TCERG1L: variants seen among roughly 807,000 people sequenced by gnomAD.
The protein encoded by TCERG1L is transcription elongation regulator 1-like protein.
TCERG1L carries 37 observed loss-of-function variants against 56.3 expected under a neutral mutation model. That is an observed-to-expected ratio of 0.66 (90% CI 0.51 to 0.87). The LOEUF (loss-of-function observed/expected upper bound fraction) is 0.87, where lower values mean the gene tolerates loss of function less well. Among genes scored for constraint, TCERG1L ranks in the 40% least tolerant of loss-of-function variants. The pLI is 0.00. For missense variants in TCERG1L, 799 were observed against 774.2 expected, an observed-to-expected ratio of 1.03 and a Z score of -0.38; for synonymous variants, 324 against 326.3, an observed-to-expected ratio of 0.99 and a Z score of 0.08.
At chr10:131,144,463 C>T (rs11017750) in intron 7 of TCERG1L, among the ~76,000 whole-genome samples, 19,683 of 152,108 alleles carry the variant, frequency 0.13, 1,736 homozygotes, top group Non-Finnish European at 0.2. Flanking sequence ...CTAATTGTGT[C>T]GCTGCGAAGC....
At chr10:131,115,426 A>G (rs1178411013) in intron 9 of TCERG1L, among the ~76,000 whole-genome samples, 1 of 75,836 alleles carries the variant, frequency 1.3e-5, no homozygotes, top group Non-Finnish European at 3.2e-5. Context: ...ACAAAATTTG[A>G]GCCTAGTAAA....
intron 9 of TCERG1L, among the ~76,000 whole-genome samples, chr10:131,116,234 G>C (rs967290519): frequency 1.3e-5 from 2 of 152,204 alleles, no homozygotes; most frequent in African/African-American, 4.8e-5. Context: ...CAGCTACACT[G>C]AAGATATCTT....
chr10:131,159,306 G>A (rs945488800), intron 6 of TCERG1L, among the ~76,000 whole-genome samples: 2 of 152,176 alleles, frequency 1.3e-5, no homozygotes, highest in Non-Finnish European at 2.9e-5. Context: ...CAAGGAGGTC[G>A]TCTATTTGGG....
chr10:131,271,157 AACCT>A (rs879545914), intron 3 of TCERG1L, among the ~76,000 whole-genome samples: 2,283 of 152,200 alleles, frequency 0.015, 27 homozygotes, highest in Non-Finnish European at 0.024. Flanking sequence ...CTGCCTCCAG[AACCT>A]GCCTCCAGAA....
chr10:131,300,868 G>C (rs1846754804), intron 3 of TCERG1L, among the ~76,000 whole-genome samples: 1 of 152,046 alleles, frequency 6.6e-6, no homozygotes, highest in Non-Finnish European at 1.5e-5. Flanking sequence ...CTTATGTCAA[G>C]CTGTTAGTGA....
At chr10:131,247,925 C>T (rs963234028) in intron 4 of TCERG1L, among the ~76,000 whole-genome samples, 6 of 151,756 alleles carry the variant, frequency 4.0e-5, no homozygotes, top group African/African-American at 2.4e-5. Context: ...CGCATACACA[C>T]GACTCACACA....
In TCERG1L at chr10:131,134,416, T is replaced by C. The variant is rs1845652128; in HGVS notation, c.1222A>G (p.Asn408Asp). 3.8e-6 allele frequency: 6 copies of C among 1,596,420 alleles called. No individual in the cohort carries two copies. Among genetic ancestry groups the C allele is most frequent in the Non-Finnish European group, 5.1e-6 (6 of 1,170,854 alleles). Residue 408 changes from asparagine to aspartate, a missense_variant, in exon 8 of 12, where the codon AAC becomes GAC. Physicochemically the swap from Asn to Asp is conservative, Grantham distance 23 (BLOSUM62 1). Coordinates refer to ENST00000368642, the MANE Select transcript of TCERG1L (RefSeq NM_174937.4). ...GTTTTCACATCTTGGTCTTCCCTGT[T>C]GTCTTCAGAACTGGACCCATCGCTG... ...DNSDGSSSED[N>D]REDQDVKTKR...
At chr10:131,147,132 G>A (rs1273875431) in intron 6 of TCERG1L, among the ~76,000 whole-genome samples, 2 of 152,082 alleles carry the variant, frequency 1.3e-5, no homozygotes, top group Non-Finnish European at 2.9e-5. Context: ...ATTACCCTCC[G>A]GCAGCAGCAG....
At chr10:131,250,736 T>G (rs537620437) in intron 4 of TCERG1L, among the ~76,000 whole-genome samples, 1 of 152,290 alleles carries the variant, frequency 6.6e-6, no homozygotes, top group East Asian at 1.9e-4. Context: ...CCCTGTTAGT[T>G]GACTTCTTAG....
At chr10:131,266,662 C>T (rs949276800) in intron 3 of TCERG1L, among the ~76,000 whole-genome samples, 1 of 152,168 alleles carries the variant, frequency 6.6e-6, no homozygotes, top group Admixed American at 6.5e-5. Flanking sequence ...TGGGTGGCTC[C>T]TCTCTGCAGG....
At chr10:131,282,329 T>C (rs1209119967) in intron 3 of TCERG1L, among the ~76,000 whole-genome samples, 1 of 152,160 alleles carries the variant, frequency 6.6e-6, no homozygotes, top group Non-Finnish European at 1.5e-5. Context: ...GGAATTACGA[T>C]GGTGACATGA....
intron 9 of TCERG1L, among the ~76,000 whole-genome samples, chr10:131,110,391 G>A (rs534319361): frequency 1.3e-5 from 2 of 152,166 alleles, no homozygotes; most frequent in East Asian, 3.9e-4. Context: ...GAGTGCTTGT[G>A]GCCCTGGTGG....
chr10:131,284,064 T>C (rs1846493948), intron 3 of TCERG1L, among the ~76,000 whole-genome samples: 1 of 147,624 alleles, frequency 6.8e-6, no homozygotes, highest in Non-Finnish European at 1.5e-5. Context: ...GGGGCGAGGC[T>C]GCAGTGAGCC....
At chr10:131,110,443 C>T (rs958044718) in intron 9 of TCERG1L, among the ~76,000 whole-genome samples, 1 of 152,230 alleles carries the variant, frequency 6.6e-6, no homozygotes, top group Non-Finnish European at 1.5e-5. Flanking sequence ...GGCAGCTTCT[C>T]TGGCCAGCTG....
chr10:131,260,388 CGGT>C lies in TCERG1L; in HGVS notation c.724_726del (p.Thr242del), dbSNP rs756274881. The C allele has an allele frequency of 1.3e-6, 2 of 1,485,110 alleles. No individual in the cohort carries two copies. The highest frequency in any genetic ancestry group is 1.8e-6 in the Non-Finnish European group (2 of 1,127,624). The allele number at this position is 1,485,110 out of a possible 1,614,324, so 92.0% of individuals were successfully genotyped here. On this transcript the variant is annotated inframe_deletion, in exon 4 of 12. Coordinates refer to ENST00000368642, the MANE Select transcript of TCERG1L (RefSeq NM_174937.4). The surrounding 1 kb of genome is among the most constrained non-coding windows in gnomAD (Gnocchi z 5.8). Reference sequence around the variant, plus strand: ...ACGGAGACCATGGCAGCGGCGGCGGCGGTGGCGATGGCAATGGCGGGGCTGCTG... The same window carrying C: ...ACGGAGACCATGGCAGCGGCGGCGGCGGCGATGGCAATGGCGGGGCTGCTG...
chr10:131,257,127 C>G (rs1462950816), intron 4 of TCERG1L, among the ~76,000 whole-genome samples: 1 of 151,808 alleles, frequency 6.6e-6, no homozygotes, highest in Admixed American at 6.6e-5. Context: ...CCTATCAACG[C>G]TCAGAAGGGA....
chr10:131,104,284 T>C lies in TCERG1L; in HGVS notation c.1466A>G (p.Asn489Ser). Residue 489 changes from asparagine to serine, a missense_variant, in exon 10 of 12, where the codon AAC becomes AGC. Asn to Ser is a conservative substitution (Grantham distance 46). Transcript: ENST00000368642. ...IVFDPRYLLL[N>S]SEERKQIFEQ... ...AGTTACCTGCTTTCGTTCCTCAGAG[T>C]TGAGCAGGAGATAGCGTGGGTCAAA... The C allele has an allele frequency of 6.5e-7, 1 of 1,550,156 alleles. No individual in the cohort carries two copies. Among genetic ancestry groups the C allele is most frequent in the East Asian group, 2.4e-5 (1 of 40,908 alleles).
chr10:131,257,547 G>A (rs1048835508), intron 4 of TCERG1L, among the ~76,000 whole-genome samples: 6 of 152,202 alleles, frequency 3.9e-5, no homozygotes, highest in Admixed American at 6.5e-5. Flanking sequence ...GAGCTTAGCC[G>A]GGTATCCAGA....
intron 4 of TCERG1L, among the ~76,000 whole-genome samples, chr10:131,221,963 T>A (rs1845737840): frequency 6.6e-6 from 1 of 152,218 alleles, no homozygotes; most frequent in African/African-American, 2.4e-5. Context: ...GCTCTCATTT[T>A]CGCTTGTTTA....
Sources: allele counts gnomAD v4.1 joint callset (sites outside exome capture counted in the v4.1 genomes callset), GRCh38; gene constraint gnomAD v4.1.1; non-coding constraint Gnocchi (gnomAD v3.1); transcripts MANE v1.5; gene names NCBI Gene and HGNC (gene_info 2026-07-23, HGNC 2026-07-21).